Variants in TLR2 observed in about 807,000 individuals in gnomAD.
TLR2 encodes toll-like receptor 2.
A neutral mutation model predicts 9.1 loss-of-function variants in TLR2; 7 were observed. The ratio of observed to expected loss-of-function variants is 0.77; its 90% CI spans 0.44 to 1.44. The LOEUF is 1.44. TLR2 is among the 40% of genes most tolerant of loss of function. TLR2 has a pLI of 0.01. For synonymous variants in TLR2, 317 were observed against 344.6 expected (o/e 0.92, Z 0.89); for missense variants, 812 against 904.6 (o/e 0.90, Z 1.31).
chr4:153,692,390 T>C (rs1381871901), intron 2 of TLR2, among the ~76,000 whole-genome samples: 1 of 152,230 alleles, frequency 6.6e-6, no homozygotes, highest in Non-Finnish European at 1.5e-5. Flanking sequence ...TGTGTCCTTT[T>C]TCTAATTGTT....
rs545749273 is a variant in TLR2, at chr4:153,684,953, G to A, written c.-163+593G>A. ...CAAAGATTGGGTAAAGGCTTTCAACGAGCTAGCGTCTGGCAGGGGGTGTGT... is the reference window on the plus strand; with the variant it reads ...CAAAGATTGGGTAAAGGCTTTCAACAAGCTAGCGTCTGGCAGGGGGTGTGT... On this transcript the variant is annotated intron_variant, in intron 1 of 2. Coordinates refer to ENST00000642700, the MANE Select transcript of TLR2 (RefSeq NM_001318789.2). 4.2e-3 allele frequency among the ~76,000 whole-genome samples: 630 copies of A among 151,350 alleles called. 11 individuals carry two copies. Among genetic ancestry groups the A allele is most frequent in the African/African-American group, 0.014 (579 of 40,664 alleles).
At chr4:153,698,805 T>A (rs1022085478) in intron 2 of TLR2, among the ~76,000 whole-genome samples, 2 of 152,194 alleles carry the variant, frequency 1.3e-5, no homozygotes, top group Admixed American at 6.5e-5. Context: ...TTGAACCAAA[T>A]ACTAATATGC....
In TLR2 at chr4:153,705,511, T is replaced by C. The variant is rs2127072573; in HGVS notation, c.*249T>C. On this transcript the variant is annotated 3_prime_UTR_variant, in exon 3 of 3. Transcript: ENST00000642700. ...ACCATGATCATAAGTCTATTACTGA[T>C]ATCTGAATATAGTCCCTTGGTATCC... is the stretch of plus-strand genomic sequence containing the variant. 2.9e-6 allele frequency: 1 copy of C among 344,660 alleles called. No individual in the cohort carries two copies. The highest frequency in any genetic ancestry group is 2.1e-5 in the African/African-American group (1 of 46,784). The allele number at this position is 344,660 out of a possible 1,614,324, so 21.4% of individuals were successfully genotyped here. A position where few individuals can be genotyped will look rare whatever the true frequency, so the allele number is the denominator to read the frequency against.
chr4:153,704,280 C>T lies in TLR2; in HGVS notation c.1373C>T (p.Thr458Ile), dbSNP rs755985161. 1.9e-6 allele frequency: 3 copies of T among 1,614,102 alleles called. No individual in the cohort carries two copies. The highest frequency in any genetic ancestry group is 1.7e-6 in the Non-Finnish European group (2 of 1,180,010). ...IHSVTGCIPK[T>I]LEILDVSNNN... ...AGTGTAACAGGCTGCATTCCCAAGA[C>T]ACTGGAAATTTTAGATGTTAGCAAC... Residue 458 changes from threonine to isoleucine, a missense_variant, in exon 3 of 3, where the codon ACA becomes ATA. Transcript: ENST00000642700.
At chr4:153,692,626 T>C (rs1736198727) in intron 2 of TLR2, among the ~76,000 whole-genome samples, 1 of 152,184 alleles carries the variant, frequency 6.6e-6, no homozygotes, top group African/African-American at 2.4e-5. Flanking sequence ...ACCAGGGACA[T>C]ACCCCATTTC....
intron 2 of TLR2, among the ~76,000 whole-genome samples, chr4:153,693,580 T>C (rs896399538): frequency 6.6e-6 from 1 of 152,186 alleles, no homozygotes; most frequent in Non-Finnish European, 1.5e-5. Context: ...GGCTACTCTT[T>C]TGCTTCGAAA....
Position 153,704,960 on chromosome 4 carries a change from A to G in TLR2, c.2053A>G (p.Ile685Val). The G allele has an allele frequency of 4.3e-6, 7 of 1,612,872 alleles. No individual in the cohort carries two copies. The highest frequency in any genetic ancestry group is 5.9e-6 in the Non-Finnish European group (7 of 1,180,014). Residue 685 changes from isoleucine to valine, a missense_variant, in exon 3 of 3, where the codon ATC (isoleucine) becomes GTC (valine). By Grantham distance (29) the Ile-to-Val change is conservative. Transcript: ENST00000642700. ...GCGGGACTTCATTCCTGGCAAGTGGATCATTGACAATATCATTGACTCCAT... is the reference window on the plus strand; with the variant it reads ...GCGGGACTTCATTCCTGGCAAGTGGGTCATTGACAATATCATTGACTCCAT... ...HKRDFIPGKW[I>V]IDNIIDSIEK...
At chr4:153,707,577 G>A (rs544589108), downstream of TLR2, among the ~76,000 whole-genome samples, 72 of 152,024 alleles carry the variant, frequency 4.7e-4, no homozygotes, top group African/African-American at 1.6e-3. Flanking sequence ...CAAAACAAAC[G>A]AAAAACAAGT....
At chr4:153,686,786 T>C (rs1735738645) in intron 1 of TLR2, among the ~76,000 whole-genome samples, 1 of 152,160 alleles carries the variant, frequency 6.6e-6, no homozygotes, top group African/African-American at 2.4e-5. Flanking sequence ...GATTTTATCA[T>C]ACATCTCTCA....
intron 2 of TLR2, among the ~76,000 whole-genome samples, chr4:153,699,676 T>C (rs1387546900): frequency 6.6e-6 from 1 of 152,156 alleles, no homozygotes; most frequent in African/African-American, 2.4e-5. Context: ...CCTACTGCAC[T>C]TGCATAAAGG....
In TLR2 at chr4:153,704,692, CT is replaced by C; in HGVS notation, c.1786del (p.Cys596ValfsTer6). 6.2e-7 allele frequency: 1 copy of C among 1,613,814 alleles called. No individual in the cohort carries two copies. The highest frequency in any genetic ancestry group is 8.5e-7 in the Non-Finnish European group (1 of 1,179,920). ...GGACAGCACTGGTGTCTGGCATGTGCTGTGCTCTGTTCCTGCTGATCCTGCT... is the reference window on the plus strand; with the variant it reads ...GGACAGCACTGGTGTCTGGCATGTGCGTGCTCTGTTCCTGCTGATCCTGCT... The part of the protein sequence containing the change: ...HRTALVSGMC[C>X]ALFLLILLTG... On this transcript the variant is annotated frameshift_variant, in exon 3 of 3. Transcript: ENST00000642700. LOFTEE classifies it high-confidence loss of function.
intron 2 of TLR2, among the ~76,000 whole-genome samples, chr4:153,696,272 G>A (rs1736489459): frequency 6.6e-6 from 1 of 152,158 alleles, no homozygotes. Context: ...GCTTTGGGTA[G>A]TAAGGATATT....
rs1318259838 is a variant in TLR2, at chr4:153,703,545, T to G, written c.638T>G (p.Leu213Arg). Residue 213 changes from leucine to arginine, a missense_variant, in exon 3 of 3, where the codon CTG becomes CGG. By Grantham distance (102) the Leu-to-Arg change is moderately radical (BLOSUM62 -2). Coordinates refer to ENST00000642700, the MANE Select transcript of TLR2 (RefSeq NM_001318789.2). Reference sequence around the variant, plus strand: ...CTTCATATGAAGCAGCATATTTTACTGCTGGAGATTTTTGTAGATGTTACA... The same window carrying G: ...CTTCATATGAAGCAGCATATTTTACGGCTGGAGATTTTTGTAGATGTTACA... Reference protein sequence around the residue: ...LILHMKQHILLLEIFVDVTSS... With the variant: ...LILHMKQHILRLEIFVDVTSS... 6.2e-7 allele frequency: 1 copy of G among 1,614,136 alleles called. No individual in the cohort carries two copies.
In TLR2 at chr4:153,705,048, A is replaced by G. The variant is rs1737239629; in HGVS notation, c.2141A>G (p.Lys714Arg). 1.2e-6 allele frequency: 2 copies of G among 1,614,146 alleles called. No individual in the cohort carries two copies. The highest frequency in any genetic ancestry group is 1.7e-6 in the Non-Finnish European group (2 of 1,180,018). Residue 714 changes from lysine to arginine, a missense_variant, in exon 3 of 3, where the codon AAG becomes AGG. Physicochemically the swap from Lys to Arg is conservative, Grantham distance 26 (BLOSUM62 2). Transcript: ENST00000642700. ...SENFVKSEWC[K>R]YELDFSHFRL... ...AACTTTGTGAAGAGTGAGTGGTGCA[A>G]GTATGAACTGGACTTCTCCCATTTC...
chr4:153,706,036 G>C lies in TLR2; in HGVS notation c.*774G>C, dbSNP rs1436285055. 6.6e-6 allele frequency among the ~76,000 whole-genome samples: 1 copy of C among 152,172 alleles called. No individual in the cohort carries two copies. The highest frequency in any genetic ancestry group is 1.9e-4 in the East Asian group (1 of 5,196). ...TTTGGGGCACTCCCCAAAACTTGTT[G>C]CTATTCCTAGAAAAAAGTGCTGTGT... On this transcript the variant is annotated 3_prime_UTR_variant, in exon 3 of 3. Coordinates refer to ENST00000642700, the MANE Select transcript of TLR2 (RefSeq NM_001318789.2).
Position 153,703,963 on chromosome 4 carries a change from T to C in TLR2, c.1056T>C (p.Pro352=). ...TVENSKVFLV[P]CLLSQHLKSL... is the part of the protein sequence containing the mutation. ...AAAACAGTAAAGTTTTTCTGGTTCC[T>C]TGTTTACTTTCACAACATTTAAAAT... is the stretch of plus-strand genomic sequence containing the variant. The change falls in exon 3 of 3, where the codon CCT becomes CCC. Residue 352 remains proline (P), a synonymous_variant. Transcript: ENST00000642700. The C allele has an allele frequency of 6.2e-7, 1 of 1,611,862 alleles. No homozygotes were observed. The highest frequency in any genetic ancestry group is 8.5e-7 in the Non-Finnish European group (1 of 1,179,498).
chr4:153,708,276 G>A (rs1737394303), downstream of TLR2, among the ~76,000 whole-genome samples: 1 of 152,202 alleles, frequency 6.6e-6, no homozygotes, highest in Admixed American at 6.5e-5. Flanking sequence ...TAAAAGATAA[G>A]TGGGAACTAA....
In TLR2 at chr4:153,703,804, T is replaced by TA. The variant is rs1310112199; in HGVS notation, c.899dup (p.Asn300LysfsTer2). 6.2e-7 allele frequency: 1 copy of TA among 1,614,000 alleles called. No individual in the cohort carries two copies. Among genetic ancestry groups the TA allele is most frequent in the South Asian group, 1.1e-5 (1 of 91,038 alleles). On this transcript the variant is annotated frameshift_variant, in exon 3 of 3. Coordinates refer to ENST00000642700, the MANE Select transcript of TLR2 (RefSeq NM_001318789.2). LOFTEE classifies it low-confidence loss of function (END_TRUNC). ...GAGTTGGTAATTTTAGAGCATCTGATAATGACAGAGTTATAGATCCAGGTA... is the reference window on the plus strand; with the variant it reads ...GAGTTGGTAATTTTAGAGCATCTGATAAATGACAGAGTTATAGATCCAGGTA...
chr4:153,699,791 C>CA (rs1736755206), intron 2 of TLR2, among the ~76,000 whole-genome samples: 1 of 152,178 alleles, frequency 6.6e-6, no homozygotes, highest in African/African-American at 2.4e-5. Flanking sequence ...GAAGAATCCA[C>CA]AAACTATTAG....
Sources: gnomAD v4.1 joint callset for allele counts (sites outside exome capture counted in the v4.1 genomes callset) on GRCh38, gnomAD v4.1.1 for gene constraint, MANE v1.5 for transcripts, NCBI Gene and HGNC (gene_info 2026-07-23, HGNC 2026-07-21) for gene names.